The following KCNT2 variants were observed in gnomAD, a reference collection of about 807,000 sequenced individuals.
The protein encoded by KCNT2 is potassium channel subfamily T member 2.
Under a neutral mutation model 153.8 loss-of-function variants are expected in KCNT2, and 67 were observed. The ratio of observed to expected loss-of-function variants is 0.44; its 90% CI spans 0.36 to 0.53. The LOEUF (loss-of-function observed/expected upper bound fraction) is 0.53. Among genes scored for constraint, KCNT2 ranks in the 20% least tolerant of loss-of-function variants. KCNT2 has a pLI of 0.00. For synonymous variants in KCNT2, 500 were observed against 458.8 expected (o/e 1.09, Z -1.15); for missense variants, 975 against 1,354.8 (o/e 0.72, Z 4.40).
intron 26 of KCNT2, among the ~76,000 whole-genome samples, chr1:196,236,402 T>G (rs183492566): frequency 1.3e-5 from 2 of 151,652 alleles, no homozygotes; most frequent in Admixed American, 1.3e-4. Context: ...ATTATTATGC[T>G]TTATCAATTA....
intron 5 of KCNT2, among the ~76,000 whole-genome samples, chr1:196,471,726 T>C (rs1678123701): frequency 6.6e-6 from 1 of 152,176 alleles, no homozygotes; most frequent in African/African-American, 2.4e-5. Context: ...ATCTCTCTTA[T>C]GTCTCTCTTC....
intron 13 of KCNT2, among the ~76,000 whole-genome samples, chr1:196,377,118 G>A (rs1669035396): frequency 6.6e-6 from 1 of 151,958 alleles, no homozygotes; most frequent in Non-Finnish European, 1.5e-5. Flanking sequence ...TATTGGTAAT[G>A]ATATGATCTA....
chr1:196,448,147 A>G (rs1429924828), intron 8 of KCNT2, among the ~76,000 whole-genome samples: 1 of 151,656 alleles, frequency 6.6e-6, no homozygotes, highest in Non-Finnish European at 1.5e-5. Context: ...GAGCATGGTC[A>G]GAGAAACCCA....
intron 12 of KCNT2, among the ~76,000 whole-genome samples, chr1:196,413,905 C>T (rs1672540929): frequency 6.6e-6 from 1 of 151,530 alleles, no homozygotes; most frequent in Non-Finnish European, 1.5e-5. Flanking sequence ...GAAAAATATA[C>T]ACAGACCAAT....
At chr1:196,330,404 A>G (rs371212409) in intron 18 of KCNT2, among the ~76,000 whole-genome samples, 2 of 151,948 alleles carry the variant, frequency 1.3e-5, no homozygotes, top group East Asian at 3.9e-4. Context: ...AGTTGCCCAA[A>G]TTACATGACT....
At chr1:196,580,363 A>G (rs924167812) in intron 1 of KCNT2, among the ~76,000 whole-genome samples, 3 of 152,246 alleles carry the variant, frequency 2.0e-5, no homozygotes, top group South Asian at 4.1e-4. Context: ...GAGTAACTCC[A>G]CAGAAGAGAA....
At chr1:196,235,737 A>C (rs975783656) in intron 27 of KCNT2, among the ~76,000 whole-genome samples, 1 of 151,348 alleles carries the variant, frequency 6.6e-6, no homozygotes, top group Admixed American at 6.6e-5. Flanking sequence ...TATTTTTTCC[A>C]AATATTTTTT....
At chr1:196,465,134 T>C (rs1295059681) in intron 8 of KCNT2, among the ~76,000 whole-genome samples, 159 bp downstream of exon 8, 1 of 151,830 alleles carries the variant, frequency 6.6e-6, no homozygotes, top group Admixed American at 6.6e-5. Flanking sequence ...GAAGAAAGAG[T>C]GTTACTTTTT....
chr1:196,547,860 G>C (rs1481532087), intron 1 of KCNT2, among the ~76,000 whole-genome samples: 1 of 151,386 alleles, frequency 6.6e-6, no homozygotes, highest in African/African-American at 2.4e-5. Flanking sequence ...TAAAATTATA[G>C]ATTAGAAACA....
intron 1 of KCNT2, among the ~76,000 whole-genome samples, chr1:196,598,221 TTTA>T (rs1664312327): frequency 6.6e-6 from 1 of 152,156 alleles, no homozygotes; most frequent in Non-Finnish European, 1.5e-5. Context: ...TCATGATTCA[TTTA>T]TTATTCACTT....
chr1:196,339,742 T>C lies in KCNT2; in HGVS notation c.1783+599A>G, dbSNP rs552432569. 3.9e-5 allele frequency among the ~76,000 whole-genome samples: 6 copies of C among 152,210 alleles called. No homozygotes were observed. The South Asian group carries it at 8.3e-4, about 21-fold the overall frequency. On this transcript the variant is annotated intron_variant, in intron 16 of 27. Transcript: ENST00000294725. Reference sequence around the variant, plus strand: ...GACAGATACTAAATGTTTGTAGGTTTGTAGATGGTTTGGAGGCCAAACCGT... The same window carrying C: ...GACAGATACTAAATGTTTGTAGGTTCGTAGATGGTTTGGAGGCCAAACCGT...
At chr1:196,354,994 C>A (rs928418803) in intron 14 of KCNT2, among the ~76,000 whole-genome samples, 3 of 151,688 alleles carry the variant, frequency 2.0e-5, no homozygotes, top group Non-Finnish European at 4.4e-5. Context: ...ATAATTCTGA[C>A]AAATCGTAGC....
At chr1:196,294,130 T>C (rs1300431507) in intron 22 of KCNT2, among the ~76,000 whole-genome samples, 2 of 152,052 alleles carry the variant, frequency 1.3e-5, no homozygotes, top group Non-Finnish European at 2.9e-5. Flanking sequence ...ATCAGGGAAA[T>C]GCAAATTAAA....
chr1:196,525,995 A>G (rs7512647), intron 1 of KCNT2, among the ~76,000 whole-genome samples: 149,182 of 151,748 alleles, frequency 0.98, 73,374 homozygotes, highest in Middle Eastern at 1. Context: ...CATAAATAGC[A>G]CAAATAATGA....
intron 12 of KCNT2, among the ~76,000 whole-genome samples, chr1:196,399,013 C>A (rs548523351): frequency 3.5e-4 from 53 of 150,918 alleles, no homozygotes; most frequent in Admixed American, 9.9e-4. Context: ...AAGGAGAAAT[C>A]AAAAATGTAC....
intron 8 of KCNT2, among the ~76,000 whole-genome samples, chr1:196,456,468 A>G (rs551290779): frequency 8.2e-4 from 124 of 152,042 alleles, no homozygotes; most frequent in Non-Finnish European, 1.4e-3. Context: ...TTACTTCTAT[A>G]TATGTCTTAT....
At chr1:196,249,753 T>A (rs375470854) in intron 26 of KCNT2, among the ~76,000 whole-genome samples, 3 of 151,590 alleles carry the variant, frequency 2.0e-5, no homozygotes, top group East Asian at 3.9e-4. Context: ...CCAGCCTGGA[T>A]GACAAGAGTG....
At chr1:196,283,321 G>C (rs1423713522) in intron 23 of KCNT2, among the ~76,000 whole-genome samples, 2 of 151,964 alleles carry the variant, frequency 1.3e-5, no homozygotes, top group Non-Finnish European at 2.9e-5. Context: ...GGCACCTGTA[G>C]TCCCAGCTAC....
intron 5 of KCNT2, among the ~76,000 whole-genome samples, chr1:196,475,775 A>G (rs1678480294): frequency 6.6e-6 from 1 of 152,208 alleles, no homozygotes; most frequent in African/African-American, 2.4e-5. Flanking sequence ...ATTGGACTAT[A>G]TTGATGAGAG....
Sources: gnomAD v4.1 joint callset for allele counts (sites outside exome capture counted in the v4.1 genomes callset) on GRCh38, gnomAD v4.1.1 for gene constraint, MANE v1.5 for transcripts, NCBI Gene and HGNC (gene_info 2026-07-23, HGNC 2026-07-21) for gene names.